The following DISC1 variants were observed in gnomAD, a reference collection of about 807,000 sequenced individuals.
DISC1 encodes DISC1 scaffold protein, also known as disrupted in schizophrenia 1 protein.
In DISC1, 57 loss-of-function variants were observed where a neutral mutation model predicts 84.5. That is an observed-to-expected ratio of 0.67 (90% CI 0.55 to 0.84). The LOEUF (loss-of-function observed/expected upper bound fraction) is 0.84, where lower values mean the gene tolerates loss of function less well. Among genes scored for constraint, DISC1 ranks in the 40% least tolerant of loss-of-function variants. DISC1 has a pLI of 0.00. For missense variants in DISC1, 1,000 were observed against 1,057.8 expected (o/e 0.95, Z 0.76); for synonymous variants, 411 against 415.2 (o/e 0.99, Z 0.12).
intron 9 of DISC1, among the ~76,000 whole-genome samples, chr1:231,941,335 C>T (rs2091328418): frequency 1.3e-5 from 2 of 152,158 alleles, no homozygotes; most frequent in Non-Finnish European, 2.9e-5. Context: ...GAGAGGCTTT[C>T]CTACCTTCCT....
chr1:231,832,684 C>T (rs1050025096), intron 9 of DISC1, among the ~76,000 whole-genome samples: 1 of 146,690 alleles, frequency 6.8e-6, no homozygotes, highest in Non-Finnish European at 1.5e-5. Flanking sequence ...GTAAAGAAAG[C>T]ATGTTTGAGA....
chr1:231,895,739 G>A (rs1160528560), intron 9 of DISC1, among the ~76,000 whole-genome samples: 1 of 151,954 alleles, frequency 6.6e-6, no homozygotes, highest in Non-Finnish European at 1.5e-5. Flanking sequence ...GGCTGTACCA[G>A]TCTCATAAAA....
intron 4 of DISC1, among the ~76,000 whole-genome samples, chr1:231,759,526 CAAAAAAA>C (rs767431903): frequency 1.4e-4 from 7 of 48,298 alleles, no homozygotes; most frequent in Admixed American, 3.7e-4. Context: ...CCCATCTCTA[CAAAAAAA>C]AAAAAAAAAA....
intron 9 of DISC1, among the ~76,000 whole-genome samples, chr1:231,945,535 G>T (rs1398093194): frequency 2.0e-5 from 3 of 152,052 alleles, no homozygotes; most frequent in Non-Finnish European, 1.5e-5. Context: ...TGACACCCTA[G>T]CATCAAAATT....
intron 9 of DISC1, among the ~76,000 whole-genome samples, chr1:231,886,767 CTTT>C (rs2086730542): frequency 3.0e-5 from 2 of 66,064 alleles, no homozygotes; most frequent in Non-Finnish European, 6.9e-5. Context: ...TCCTTCCTTC[CTTT>C]CTTTCTTTCT....
chr1:231,986,757 A>G (rs1440343394), intron 10 of DISC1, among the ~76,000 whole-genome samples: 1 of 152,234 alleles, frequency 6.6e-6, no homozygotes, highest in Admixed American at 6.5e-5. Flanking sequence ...TGGTGTATCC[A>G]GTGAAGATAA....
chr1:231,992,007 G>A (rs1055395446), intron 10 of DISC1, among the ~76,000 whole-genome samples: 1 of 152,078 alleles, frequency 6.6e-6, no homozygotes, highest in Non-Finnish European at 1.5e-5. Flanking sequence ...CAATAAGTGT[G>A]GCTGATTCCA....
intron 11 of DISC1, among the ~76,000 whole-genome samples, chr1:232,019,138 A>G (rs1179669754): frequency 6.6e-6 from 1 of 152,184 alleles, no homozygotes; most frequent in Non-Finnish European, 1.5e-5. Context: ...ACAGGCGGTT[A>G]CACACACAGG....
At chr1:231,950,614 T>C (rs139997811) in intron 9 of DISC1, among the ~76,000 whole-genome samples, 80 of 152,294 alleles carry the variant, frequency 5.3e-4, no homozygotes, top group Middle Eastern at 3.4e-3. Context: ...TCTTTTGTCA[T>C]TGACTTGTGC....
intron 10 of DISC1, among the ~76,000 whole-genome samples, chr1:231,973,731 A>AT (rs1438335889): frequency 6.6e-6 from 1 of 152,200 alleles, no homozygotes; most frequent in Admixed American, 6.5e-5. Flanking sequence ...TGGAGCTAGC[A>AT]TTTTTTTAAA....
intron 9 of DISC1, among the ~76,000 whole-genome samples, chr1:231,864,457 A>T (rs1298163191): frequency 6.6e-6 from 1 of 152,066 alleles, no homozygotes; most frequent in Non-Finnish European, 1.5e-5. Flanking sequence ...AGGTCAGGAG[A>T]TTGAGACCAT....
intron 9 of DISC1, among the ~76,000 whole-genome samples, chr1:231,903,167 T>A (rs1439270265): frequency 6.6e-6 from 1 of 151,862 alleles, no homozygotes; most frequent in Non-Finnish European, 1.5e-5. Context: ...GCTCAAGTGA[T>A]CCTCCCACCT....
At chr1:231,796,488 C>T (rs146406315) in intron 7 of DISC1, among the ~76,000 whole-genome samples, 8 of 152,126 alleles carry the variant, frequency 5.3e-5, no homozygotes, top group African/African-American at 1.2e-4. Flanking sequence ...AAGGGATCAC[C>T]GCAGCTAAGC....
chr1:231,694,034 C>T lies in DISC1; in HGVS notation c.276C>T (p.Gly92=), dbSNP rs774097214. The change falls in exon 2 of 13, where the codon GGC becomes GGT. Residue 92 remains glycine, a synonymous_variant. Transcript: ENST00000439617. ...GACAGTGTGGCCTTGACTCGAGAGG[C>T]CTCTTGGTCCGGAGCCCTGTTTCCA... ...RARQCGLDSR[G]LLVRSPVSKS... 4 of 1,614,066 alleles carry T rather than the reference C, an allele frequency of 2.5e-6. No homozygotes were observed. The highest frequency in any genetic ancestry group is 1.3e-5 in the African/African-American group (1 of 74,936).
intron 6 of DISC1, among the ~76,000 whole-genome samples, chr1:231,783,244 G>C (rs1276934643): frequency 6.6e-6 from 1 of 152,080 alleles, no homozygotes; most frequent in Non-Finnish European, 1.5e-5. Flanking sequence ...AATACATCGT[G>C]GTTATGAGAA....
chr1:231,659,494 C>T (rs1056592163), intron 1 of DISC1, among the ~76,000 whole-genome samples: 2 of 151,854 alleles, frequency 1.3e-5, no homozygotes, highest in Admixed American at 1.3e-4. Context: ...ATTATGCCCT[C>T]ATCCTGGTTA....
At chr1:231,646,059 T>C (rs78701499) in intron 1 of DISC1, among the ~76,000 whole-genome samples, 2 of 33,382 alleles carry the variant, frequency 6.0e-5, no homozygotes, top group Non-Finnish European at 1.2e-4. Flanking sequence ...TGTACTTTTC[T>C]TTTTTTTTTT....
intron 3 of DISC1, among the ~76,000 whole-genome samples, chr1:231,729,658 C>T (rs1445106271): frequency 6.6e-6 from 1 of 151,614 alleles, no homozygotes; most frequent in Non-Finnish European, 1.5e-5. Context: ...TGGATTTCAT[C>T]CAAATTGGAA....
intron 4 of DISC1, chr1:231,750,539 G>C (rs890555138): frequency 1.0e-6 from 1 of 991,078 alleles, no homozygotes; most frequent in Admixed American, 5.8e-5. Flanking sequence ...AGGCTCTTCT[G>C]AGATTAGTAA....
Sources: allele counts gnomAD v4.1 joint callset (sites outside exome capture counted in the v4.1 genomes callset), GRCh38; gene constraint gnomAD v4.1.1; transcripts MANE v1.5; gene names NCBI Gene and HGNC (gene_info 2026-07-23, HGNC 2026-07-21).